The following PIP5K1A variants were observed in gnomAD, a reference collection of about 807,000 sequenced individuals.
PIP5K1A encodes phosphatidylinositol 4-phosphate 5-kinase type-1 alpha.
PIP5K1A carries 46 observed loss-of-function variants against 72.9 expected under a neutral mutation model. The ratio of observed to expected loss-of-function variants is 0.63; its 90% CI spans 0.50 to 0.81. The LOEUF is 0.81. Ranked by LOEUF, PIP5K1A falls within the 30% of genes least tolerant of loss-of-function variation. The pLI, the probability that PIP5K1A is intolerant of heterozygous loss-of-function variation, is 0.00. For missense variants in PIP5K1A, 458 were observed against 706.1 expected, an observed-to-expected ratio of 0.65 and a Z score of 3.98; for synonymous variants, 228 against 255.1, an observed-to-expected ratio of 0.89 and a Z score of 1.01.
At chr1:151,247,775 G>A (rs954466243) in intron 15 of PIP5K1A, 88 bp from the exon 16 acceptor site, 3 of 1,133,062 alleles carry the variant, frequency 2.6e-6, no homozygotes, top group Non-Finnish European at 3.9e-6. Flanking sequence ...TGGAGGCTGA[G>A]GCTGAAATAG....
chr1:151,232,198 C>T (rs1330081797), intron 5 of PIP5K1A, 50 bp from the exon 6 acceptor site: 2 of 1,232,000 alleles, frequency 1.6e-6, no homozygotes, highest in Non-Finnish European at 2.4e-6. Flanking sequence ...GGTAGATTCT[C>T]TGGATGATAG....
intron 1 of PIP5K1A, among the ~76,000 whole-genome samples, chr1:151,203,416 C>T (rs587629296): frequency 6.6e-6 from 1 of 151,918 alleles, no homozygotes; most frequent in South Asian, 2.1e-4. Flanking sequence ...GTAATCCCAG[C>T]TACTCAGGAG....
intron 4 of PIP5K1A, 119 bp downstream of exon 4, chr1:151,227,519 T>C (rs1383955030): frequency 3.3e-6 from 2 of 597,112 alleles, no homozygotes; most frequent in Admixed American, 5.7e-5. Context: ...CCTAAGCTTT[T>C]GCACATAATA....
chr1:151,228,792 G>A (rs1689541793), intron 4 of PIP5K1A, among the ~76,000 whole-genome samples: 1 of 152,130 alleles, frequency 6.6e-6, no homozygotes. Flanking sequence ...GTCCCAAGTA[G>A]CAGAGGTGGA....
At chr1:151,226,864 T>C (rs1240305004) in intron 3 of PIP5K1A, among the ~76,000 whole-genome samples, 1 of 149,754 alleles carries the variant, frequency 6.7e-6, no homozygotes, top group Non-Finnish European at 1.5e-5. Flanking sequence ...TCATCTCTAC[T>C]AAAAATACAA....
Position 151,199,650 on chromosome 1 carries a change from A to G in PIP5K1A, c.85+569A>G, listed in dbSNP as rs145727504. On this transcript the variant is annotated intron_variant, in intron 1 of 15. Transcript: ENST00000368888. The stretch of plus-strand genomic sequence containing the variant: ...AAAAGAAGTTGCGGTAGGAAACAAG[A>G]GAAACGGAAGGGAGTAGAGAAACTA... Among the ~76,000 whole-genome samples, 283 of 151,588 alleles carry G rather than the reference A, an allele frequency of 1.9e-3. 13 individuals are homozygous for G. In the East Asian group the frequency reaches 0.052, roughly 28 times the overall value.
chr1:151,196,574 G>GTTTTTTTTTT (rs1684566528), upstream of PIP5K1A, among the ~76,000 whole-genome samples: 1 of 103,392 alleles, frequency 9.7e-6, no homozygotes, highest in African/African-American at 3.4e-5. Flanking sequence ...TTTTTTTTGA[G>GTTTTTTTTTT]TTGGAGTTTC....
At chr1:151,207,805 T>C (rs758461395) in intron 1 of PIP5K1A, among the ~76,000 whole-genome samples, 4 of 151,238 alleles carry the variant, frequency 2.6e-5, no homozygotes, top group Non-Finnish European at 5.9e-5. Flanking sequence ...GCTGGGATGA[T>C]TACGGGCATG....
chr1:151,216,867 A>G (rs1687705955), intron 1 of PIP5K1A, among the ~76,000 whole-genome samples: 1 of 150,298 alleles, frequency 6.7e-6, no homozygotes, highest in South Asian at 2.1e-4. Context: ...AGAAATTTTA[A>G]CCAACCTACC....
At chr1:151,238,385 G>A (rs71625113) in intron 10 of PIP5K1A, 120 bp downstream of exon 10, 2 of 712,320 alleles carry the variant, frequency 2.8e-6, no homozygotes, top group Non-Finnish European at 5.1e-6. Context: ...GTTGCAGTCT[G>A]GCTACTTACT....
At chr1:151,209,916 G>T (rs764386023) in intron 1 of PIP5K1A, among the ~76,000 whole-genome samples, 8 of 151,680 alleles carry the variant, frequency 5.3e-5, no homozygotes, top group Admixed American at 5.3e-4. Context: ...GTCTTGCTCT[G>T]TTGCCCAGGC....
chr1:151,240,075 C>G, intron 12 of PIP5K1A, 36 bp downstream of exon 12: 1 of 1,417,840 alleles, frequency 7.1e-7, no homozygotes, highest in African/African-American at 1.4e-5. Context: ...CCTACTCCTG[C>G]CCAGTGGCTC....
chr1:151,224,172 G>C, intron 1 of PIP5K1A, 73 bp from the exon 2 acceptor site: 1 of 1,337,894 alleles, frequency 7.5e-7, no homozygotes. Flanking sequence ...CTCAAACTCT[G>C]ATGGTTTCAG....
intron 3 of PIP5K1A, among the ~76,000 whole-genome samples, chr1:151,224,706 G>T (rs1162097401): frequency 2.0e-5 from 3 of 152,120 alleles, no homozygotes; most frequent in Non-Finnish European, 4.4e-5. Flanking sequence ...CACTTTCTTT[G>T]TTTTGCTGTT....
chr1:151,246,154 A>C (rs946038759), intron 14 of PIP5K1A, among the ~76,000 whole-genome samples: 2 of 152,080 alleles, frequency 1.3e-5, no homozygotes, highest in South Asian at 4.1e-4. Context: ...GGCCGAGGCG[A>C]GAGAATTGCT....
chr1:151,224,234 T>G lies in PIP5K1A; in HGVS notation c.86-11T>G. 1 of 1,612,038 alleles carries G rather than the reference T, an allele frequency of 6.2e-7. No homozygotes were observed. ...GATACACTCTTATGATTGTTTTTTT[T>G]TCCCCCCTAGCAGCATCTGGAATCA... On this transcript the variant is annotated splice_polypyrimidine_tract_variant and intron_variant, in intron 1 of 15. Coordinates refer to ENST00000368888, the MANE Select transcript of PIP5K1A (RefSeq NM_001135638.2).
chr1:151,218,720 G>A (rs1346004082), intron 1 of PIP5K1A, among the ~76,000 whole-genome samples: 1 of 151,144 alleles, frequency 6.6e-6, no homozygotes, highest in Non-Finnish European at 1.5e-5. Context: ...TGTAGTCCCA[G>A]CTGCTTGAAG....
At chr1:151,244,094 G>A (rs994658333) in intron 14 of PIP5K1A, among the ~76,000 whole-genome samples, 2 of 149,282 alleles carry the variant, frequency 1.3e-5, no homozygotes, top group African/African-American at 5.0e-5. Flanking sequence ...TGGGAGGATT[G>A]CTTGAGGCAG....
chr1:151,219,381 C>CAAAAA (rs1179510165), intron 1 of PIP5K1A, among the ~76,000 whole-genome samples: 16 of 67,226 alleles, frequency 2.4e-4, no homozygotes, highest in Non-Finnish European at 2.1e-4. Flanking sequence ...ACTCTCGTCT[C>CAAAAA]AAAAAAAAAA....
Sources: gnomAD v4.1 joint callset for allele counts (sites outside exome capture counted in the v4.1 genomes callset) on GRCh38, gnomAD v4.1.1 for gene constraint, MANE v1.5 for transcripts, NCBI Gene and HGNC (gene_info 2026-07-23, HGNC 2026-07-21) for gene names.